Variants in UGT1A8 observed in about 807,000 individuals in gnomAD.
The protein encoded by UGT1A8 is UDP glucuronosyltransferase family 1 member A8, also known as UDP-glucuronosyltransferase 1A8.
UGT1A8 carries 39 observed loss-of-function variants against 45.3 expected under a neutral mutation model. The ratio of observed to expected loss-of-function variants is 0.86; its 90% CI spans 0.67 to 1.12. The LOEUF (loss-of-function observed/expected upper bound fraction) is 1.12, where lower values mean the gene tolerates loss of function less well. UGT1A8 is among the 50% of genes most tolerant of loss of function. UGT1A8 has a pLI of 0.00. For missense variants in UGT1A8, 719 were observed against 664.9 expected (o/e 1.08, Z -0.90); for synonymous variants, 275 against 249.2 (o/e 1.10, Z -0.97).
rs377066301 is a variant in UGT1A8 at position 233,682,091 on chromosome 2, G to A, written c.855+63529G>A. The A allele has an allele frequency of 7.4e-6, 12 of 1,613,970 alleles. No homozygotes were observed. In the African/African-American group the frequency reaches 1.5e-4, roughly 20 times the overall value. The stretch of plus-strand genomic sequence containing the variant: ...GGTGGTGGAGAAACTCATCCTCAGG[G>A]GGCATGAGGTGGTCGTAGTCATGCC... On this transcript the variant is annotated intron_variant, in intron 1 of 4. Transcript: ENST00000373450.
chr2:233,637,305 T>C (rs1442407312), intron 1 of UGT1A8: 1 of 1,613,878 alleles, frequency 6.2e-7, no homozygotes, highest in Non-Finnish European at 8.5e-7. Flanking sequence ...TTTTGGACTA[T>C]CCCAAACCCG....
At chr2:233,730,798 G>T (rs772379862) in intron 1 of UGT1A8, among the ~76,000 whole-genome samples, 4 of 152,122 alleles carry the variant, frequency 2.6e-5, no homozygotes, top group Non-Finnish European at 5.9e-5. Flanking sequence ...AGTGATGAAT[G>T]GACATGCGTC....
At chr2:233,757,558 A>ATATATATATATG (rs1553619909) in intron 1 of UGT1A8, among the ~76,000 whole-genome samples, 2 of 124,446 alleles carry the variant, frequency 1.6e-5, no homozygotes, top group East Asian at 4.2e-4. Context: ...ATATATATAT[A>ATATATATATATG]TATGTATATA....
intron 1 of UGT1A8, among the ~76,000 whole-genome samples, chr2:233,667,638 A>G (rs1034080888): frequency 1.3e-5 from 2 of 152,242 alleles, no homozygotes; most frequent in Non-Finnish European, 2.9e-5. Flanking sequence ...CTCATCTGAC[A>G]AAGGGCTAAT....
chr2:233,637,176 A>G (rs921372679), intron 1 of UGT1A8: 1 of 1,613,928 alleles, frequency 6.2e-7, no homozygotes, highest in South Asian at 1.1e-5. Context: ...AGGACCATTT[A>G]TTTTGCCAGT....
chr2:233,641,957 G>T (rs924706254), intron 1 of UGT1A8, among the ~76,000 whole-genome samples: 5 of 152,092 alleles, frequency 3.3e-5, no homozygotes, highest in Non-Finnish European at 5.9e-5. Flanking sequence ...ACCTTTGGGA[G>T]TTTGATTATT....
chr2:233,698,773 A>G (rs2075461465), intron 1 of UGT1A8, among the ~76,000 whole-genome samples: 1 of 152,240 alleles, frequency 6.6e-6, no homozygotes, highest in Non-Finnish European at 1.5e-5. Context: ...AAGAAAGAGT[A>G]TCCTTTCTCA....
At chr2:233,654,197 A>G (rs1230363250) in intron 1 of UGT1A8, among the ~76,000 whole-genome samples, 1 of 152,196 alleles carries the variant, frequency 6.6e-6, no homozygotes, top group African/African-American at 2.4e-5. Flanking sequence ...AAAGTAAAAG[A>G]AAAAAAGGAA....
In UGT1A8 at chr2:233,736,783, G is replaced by T. The variant is rs545223479; in HGVS notation, c.856-30251G>T. ...CTTCTAACAGTCAGATCCCTCAGCTGCAGGTCTGTTGGAGTTTGCTGGAGG... is the reference window on the plus strand; with the variant it reads ...CTTCTAACAGTCAGATCCCTCAGCTTCAGGTCTGTTGGAGTTTGCTGGAGG... On this transcript the variant is annotated intron_variant, in intron 1 of 4. Transcript: ENST00000373450. Among the ~76,000 whole-genome samples, 9 of 152,312 alleles carry T rather than the reference G, an allele frequency of 5.9e-5. No homozygotes were observed. The South Asian group carries it at 1.9e-3, about 32-fold the overall frequency.
intron 1 of UGT1A8, among the ~76,000 whole-genome samples, chr2:233,726,609 C>G (rs927536139): frequency 3.4e-4 from 51 of 152,176 alleles, no homozygotes; most frequent in African/African-American, 1.2e-3. Flanking sequence ...ATTACACTGT[C>G]CTGCCCAGAT....
At chr2:233,637,275 G>T in intron 1 of UGT1A8, 2 of 1,613,904 alleles carry the variant, frequency 1.2e-6, no homozygotes, top group Non-Finnish European at 1.7e-6. Context: ...CATCAATTTG[G>T]TTGTTGCGAA....
chr2:233,750,128 G>T (rs1357269719), intron 1 of UGT1A8, among the ~76,000 whole-genome samples: 9 of 151,932 alleles, frequency 5.9e-5, no homozygotes, highest in African/African-American at 1.7e-4. Context: ...ATGTGGGAAA[G>T]TTTGGAACTT....
chr2:233,751,623 T>C (rs985380326), intron 1 of UGT1A8, among the ~76,000 whole-genome samples: 2 of 152,166 alleles, frequency 1.3e-5, no homozygotes, highest in African/African-American at 4.8e-5. Context: ...GATTGGATCA[T>C]GTGTGCAGTT....
intron 1 of UGT1A8, among the ~76,000 whole-genome samples, chr2:233,627,540 G>A (rs930728762): frequency 2.6e-5 from 4 of 151,854 alleles, no homozygotes; most frequent in Non-Finnish European, 4.4e-5. Context: ...AGACAAAAAC[G>A]TATTTCAGAA....
intron 1 of UGT1A8, among the ~76,000 whole-genome samples, chr2:233,622,554 C>T (rs893192311): frequency 6.6e-6 from 1 of 152,178 alleles, no homozygotes; most frequent in African/African-American, 2.4e-5. Context: ...TGTTCATATC[C>T]TTTGCCCACT....
At chr2:233,695,268 G>C (rs1263481356) in intron 1 of UGT1A8, among the ~76,000 whole-genome samples, 1 of 151,854 alleles carries the variant, frequency 6.6e-6, no homozygotes, top group African/African-American at 2.4e-5. Flanking sequence ...TGGGACTATA[G>C]GCATGTGCCA....
chr2:233,700,872 C>T (rs2075594705), intron 1 of UGT1A8, among the ~76,000 whole-genome samples: 1 of 152,050 alleles, frequency 6.6e-6, no homozygotes, highest in African/African-American at 2.4e-5. Flanking sequence ...TCCCTCCCTC[C>T]TCCCCCCACC....
intron 1 of UGT1A8, among the ~76,000 whole-genome samples, chr2:233,627,315 C>T (rs2073101796): frequency 6.6e-6 from 1 of 151,908 alleles, no homozygotes; most frequent in South Asian, 2.1e-4. Context: ...GGCTGCTTCT[C>T]CTGTTATCTT....
chr2:233,734,315 C>T (rs1041289451), intron 1 of UGT1A8, among the ~76,000 whole-genome samples: 4 of 151,932 alleles, frequency 2.6e-5, no homozygotes, highest in African/African-American at 4.8e-5. Flanking sequence ...TTTGTGTAGA[C>T]GTATTTATAG....
Sources: allele counts gnomAD v4.1 joint callset (sites outside exome capture counted in the v4.1 genomes callset), GRCh38; gene constraint gnomAD v4.1.1; transcripts MANE v1.5; gene names NCBI Gene and HGNC (gene_info 2026-07-23, HGNC 2026-07-21).